The following GALNT18 variants were observed in gnomAD, a reference collection of about 807,000 sequenced individuals.
The protein encoded by GALNT18 is polypeptide N-acetylgalactosaminyltransferase 18, also known as GalNAc-transferase 18.
In GALNT18, 44 loss-of-function variants were observed where a neutral mutation model predicts 69.5. The ratio of observed to expected loss-of-function variants is 0.63; its 90% CI spans 0.50 to 0.81. The LOEUF is 0.81. GALNT18 is among the 40% of genes least tolerant of loss of function. The pLI, the probability that GALNT18 is intolerant of heterozygous loss-of-function variation, is 0.00. For missense variants in GALNT18, 715 were observed against 810.0 expected (o/e 0.88, Z 1.42); for synonymous variants, 364 against 318.2 (o/e 1.14, Z -1.53).
intron 1 of GALNT18, among the ~76,000 whole-genome samples, chr11:11,559,330 G>T (rs1053194115): frequency 1.3e-5 from 2 of 152,226 alleles, no homozygotes; most frequent in Non-Finnish European, 2.9e-5. Flanking sequence ...TTGGGGGAAA[G>T]GGGAGAAGGG....
At chr11:11,368,154 T>C (rs1054188503) in intron 6 of GALNT18, among the ~76,000 whole-genome samples, 2 of 152,252 alleles carry the variant, frequency 1.3e-5, no homozygotes. Context: ...CTGGGTCCCA[T>C]TGTTACAGTT....
chr11:11,441,227 AATATT>A (rs1267647962), intron 2 of GALNT18, among the ~76,000 whole-genome samples: 1 of 152,246 alleles, frequency 6.6e-6, no homozygotes, highest in Non-Finnish European at 1.5e-5. Context: ...CAACGAAATT[AATATT>A]AACCAGAACC....
At position 11,332,865 on chromosome 11, in the gene GALNT18, C is replaced by A; in HGVS notation, c.1279-34G>T. On this transcript the variant is annotated intron_variant, in intron 7 of 10. Coordinates refer to ENST00000227756, the MANE Select transcript of GALNT18 (RefSeq NM_198516.3). The surrounding 1 kb of genome is among the most constrained non-coding windows in gnomAD (Gnocchi z 4.3). ...GGACGCAGAAGCAGAGATGAAGCCA[C>A]TCCCAGGTTGCAGCTTCTCCCCAAA... 1.2e-6 allele frequency: 2 copies of A among 1,606,012 alleles called. No homozygotes were observed. Among genetic ancestry groups the A allele is most frequent in the Non-Finnish European group, 1.7e-6 (2 of 1,178,204 alleles).
intron 3 of GALNT18, among the ~76,000 whole-genome samples, chr11:11,385,959 G>A (rs1196472952): frequency 6.6e-6 from 1 of 152,130 alleles, no homozygotes; most frequent in African/African-American, 2.4e-5. Context: ...CATGTGAAGA[G>A]GAAGGCAGAG....
intron 3 of GALNT18, among the ~76,000 whole-genome samples, chr11:11,420,428 C>T (rs911260094): frequency 7.9e-5 from 12 of 152,146 alleles, no homozygotes; most frequent in Admixed American, 6.5e-4. Context: ...CACTTTTTGC[C>T]GAGCACTGAG....
At chr11:11,334,935 C>T (rs908171365) in intron 7 of GALNT18, among the ~76,000 whole-genome samples, 3 of 152,198 alleles carry the variant, frequency 2.0e-5, no homozygotes, top group Admixed American at 6.5e-5. Context: ...CCTTCCACTC[C>T]GACCCTAAAG....
Position 11,327,172 on chromosome 11 carries a change from A to G in GALNT18, c.1426T>C (p.Ser476Pro). ...TCAAGACACAAATCAGTCTTCAGAG[A>G]ATTCTGCAGCTGAACATCAGAGAAC... is the stretch of plus-strand genomic sequence containing the variant. ...DIIAYGVLQN[S>P]LKTDLCLDQG... Residue 476 changes from serine to proline, a missense_variant, in exon 9 of 11, where the codon TCT becomes CCT. Transcript: ENST00000227756. The G allele has an allele frequency of 6.2e-7, 1 of 1,613,162 alleles. No homozygotes were observed. Among genetic ancestry groups the G allele is most frequent in the Non-Finnish European group, 8.5e-7 (1 of 1,179,058 alleles).
chr11:11,359,381 A>C (rs12282462), intron 6 of GALNT18, among the ~76,000 whole-genome samples: 16,644 of 107,614 alleles, frequency 0.15, 3,754 homozygotes, highest in Non-Finnish European at 0.22. Flanking sequence ...CCGTGGATAC[A>C]TATTTTTTAA....
At chr11:11,441,624 T>A (rs1208003805) in intron 2 of GALNT18, among the ~76,000 whole-genome samples, 1 of 152,118 alleles carries the variant, frequency 6.6e-6, no homozygotes, top group African/African-American at 2.4e-5. Context: ...CAGAGCCACA[T>A]GAGGATAAAA....
intron 9 of GALNT18, among the ~76,000 whole-genome samples, chr11:11,313,145 T>C (rs1315598102): frequency 6.6e-6 from 1 of 152,152 alleles, no homozygotes; most frequent in Non-Finnish European, 1.5e-5. Context: ...GCTTTGGCTC[T>C]AATGCTCGGG....
Position 11,542,563 on chromosome 11 carries a change from A to G in GALNT18, c.235+78796T>C, listed in dbSNP as rs1857952819. 6.6e-6 allele frequency among the ~76,000 whole-genome samples: 1 copy of G among 152,236 alleles called. No homozygotes were observed. ...CCTTGTTCCGGAAAACAGTCATGCC[A>G]AGCTCAAAGAAGAAGGAACTAGGTG... On this transcript the variant is annotated intron_variant, in intron 1 of 10. Transcript: ENST00000227756. The surrounding 1 kb of genome is among the most constrained non-coding windows in gnomAD (Gnocchi z 4.3).
At chr11:11,539,457 T>G (rs562507923) in intron 1 of GALNT18, among the ~76,000 whole-genome samples, 1 of 152,324 alleles carries the variant, frequency 6.6e-6, no homozygotes, top group East Asian at 1.9e-4. Flanking sequence ...AGAGCTGTCC[T>G]GAACACCTCG....
intron 1 of GALNT18, among the ~76,000 whole-genome samples, chr11:11,609,471 T>C (rs149080637): frequency 6.6e-6 from 1 of 152,136 alleles, no homozygotes; most frequent in Non-Finnish European, 1.5e-5. Context: ...CCTGACCACC[T>C]CCTCATGTAA....
In GALNT18 at chr11:11,621,444, C is replaced by G; in HGVS notation, c.150G>C (p.Lys50Asn). Residue 50 changes from lysine (K) to asparagine (N), a missense_variant, in exon 1 of 11, where the codon AAG (lysine) becomes AAC (asparagine). Lys to Asn is a moderately conservative substitution (Grantham distance 94). Transcript: ENST00000227756. This position sits in a 1 kb window ranked among gnomAD's most constrained non-coding sequence, Gnocchi z 9.3. ...YVRGQEPAPD[K>N]KLEEDKGDTL... The stretch of plus-strand genomic sequence containing the variant: ...TGTCCCCTTTGTCTTCCTCCAGCTT[C>G]TTGTCGGGCGCCGGCTCCTGCCCCC... 1 of 1,614,156 alleles carries G rather than the reference C, an allele frequency of 6.2e-7. No individual in the cohort carries two copies. The highest frequency in any genetic ancestry group is 1.1e-5 in the South Asian group (1 of 91,078).
At chr11:11,364,181 T>C (rs1019644283) in intron 6 of GALNT18, among the ~76,000 whole-genome samples, 6 of 152,334 alleles carry the variant, frequency 3.9e-5, no homozygotes, top group African/African-American at 1.4e-4. Context: ...GAATGGATTA[T>C]TGTAAATGTC....
At chr11:11,561,775 G>A (rs555461359) in intron 1 of GALNT18, among the ~76,000 whole-genome samples, 1 of 152,196 alleles carries the variant, frequency 6.6e-6, no homozygotes, top group Non-Finnish European at 1.5e-5. Flanking sequence ...GAGGCAGGGA[G>A]TGGCCCATTG....
rs1404693120 is a variant in GALNT18 at position 11,620,281 on chromosome 11, CA to C, written c.235+1077del. On this transcript the variant is annotated intron_variant, in intron 1 of 10. Transcript: ENST00000227756. The surrounding 1 kb of genome is among the most constrained non-coding windows in gnomAD (Gnocchi z 6.9). Reference sequence around the variant, plus strand: ...AGAAGCTCACACACCTGGAAGAAAGCAGGGGGCGCGGGGAGGGGAGGAAGTG... The same window carrying C: ...AGAAGCTCACACACCTGGAAGAAAGCGGGGGCGCGGGGAGGGGAGGAAGTG... Among the ~76,000 whole-genome samples, 2 of 151,160 alleles carry C rather than the reference CA, an allele frequency of 1.3e-5. No individual in the cohort carries two copies. The highest frequency in any genetic ancestry group is 2.9e-5 in the Non-Finnish European group (2 of 67,826).
chr11:11,580,732 C>T (rs1186659563), intron 1 of GALNT18, among the ~76,000 whole-genome samples: 1 of 152,254 alleles, frequency 6.6e-6, no homozygotes, highest in East Asian at 1.9e-4. Context: ...CAAGGGTCAT[C>T]ACACCATAGC....
chr11:11,505,665 C>T lies in GALNT18; in HGVS notation c.236-56729G>A, dbSNP rs1857054544. 1.3e-5 allele frequency among the ~76,000 whole-genome samples: 2 copies of T among 152,234 alleles called. No homozygotes were observed. The highest frequency in any genetic ancestry group is 4.8e-5 in the African/African-American group (2 of 41,462). Reference sequence around the variant, plus strand: ...AAGATTTCCATTGCCTTCCTCCTCACCAGATTCAGAAGTCCCCATTCTGAT... The same window carrying T: ...AAGATTTCCATTGCCTTCCTCCTCATCAGATTCAGAAGTCCCCATTCTGAT... On this transcript the variant is annotated intron_variant, in intron 1 of 10. Transcript: ENST00000227756. The surrounding 1 kb of genome is among the most constrained non-coding windows in gnomAD (Gnocchi z 4.6).
Sources: gnomAD v4.1 joint callset for allele counts (sites outside exome capture counted in the v4.1 genomes callset) on GRCh38, gnomAD v4.1.1 for gene constraint, Gnocchi (gnomAD v3.1) non-coding constraint, MANE v1.5 for transcripts, NCBI Gene and HGNC (gene_info 2026-07-23, HGNC 2026-07-21) for gene names.